The following KLF13 variants were observed in gnomAD, a reference collection of about 807,000 sequenced individuals.
KLF13 encodes the protein Krueppel-like factor 13.
A neutral mutation model predicts 16.7 loss-of-function variants in KLF13; 8 were observed. The observed-to-expected ratio is 0.48, with a 90% CI of 0.28 to 0.87. The LOEUF is 0.87. KLF13 is among the 40% of genes least tolerant of loss of function. KLF13 has a pLI of 0.10. For synonymous variants in KLF13, 245 were observed against 208.4 expected (o/e 1.18, Z -1.51); for missense variants, 447 against 452.2 (o/e 0.99, Z 0.10).
chr15:31,334,647 C>G (rs1038029991), intron 1 of KLF13, among the ~76,000 whole-genome samples: 9 of 152,124 alleles, frequency 5.9e-5, no homozygotes, highest in Admixed American at 4.6e-4. Context: ...AGGCTGGTTT[C>G]GAACTCCTGA....
intron 1 of KLF13, among the ~76,000 whole-genome samples, chr15:31,409,937 C>T (rs1229910808): frequency 6.6e-6 from 1 of 151,964 alleles, no homozygotes; most frequent in Non-Finnish European, 1.5e-5. Flanking sequence ...TACAGAAAAA[C>T]ATAAAGCATT....
chr15:31,393,262 A>T (rs968456866), intron 1 of KLF13: 1 of 152,460 alleles, frequency 6.6e-6, no homozygotes, highest in Non-Finnish European at 1.5e-5. Context: ...TTCAGTAAGC[A>T]GCCGCCGGGC....
chr15:31,369,213 C>T (rs1160046584), intron 1 of KLF13, among the ~76,000 whole-genome samples: 1 of 152,130 alleles, frequency 6.6e-6, no homozygotes, highest in Admixed American at 6.5e-5. Context: ...CCCTTAAATC[C>T]ATGTTCTCTG....
intron 1 of KLF13, among the ~76,000 whole-genome samples, chr15:31,340,789 A>G (rs2039008695): frequency 6.6e-6 from 1 of 152,174 alleles, no homozygotes; most frequent in African/African-American, 2.4e-5. Context: ...GGATCACTTG[A>G]GCCCAGGAGG....
At chr15:31,329,568 C>A (rs531574216) in intron 1 of KLF13, among the ~76,000 whole-genome samples, 2 of 152,140 alleles carry the variant, frequency 1.3e-5, no homozygotes, top group Non-Finnish European at 2.9e-5. Context: ...CTGGTGGGTT[C>A]ATCTCCCGCT....
chr15:31,346,774 G>C (rs1013217499), intron 1 of KLF13, among the ~76,000 whole-genome samples: 9 of 152,262 alleles, frequency 5.9e-5, no homozygotes, highest in Non-Finnish European at 7.3e-5. Context: ...GGCACTTGGT[G>C]GTGGGGCCAG....
chr15:31,332,487 T>G (rs1213513100), intron 1 of KLF13, among the ~76,000 whole-genome samples: 1 of 152,150 alleles, frequency 6.6e-6, no homozygotes, highest in African/African-American at 2.4e-5. Flanking sequence ...TGGGGGCTGG[T>G]GTGGCGCCAT....
chr15:31,335,429 G>A (rs1245963074), intron 1 of KLF13, among the ~76,000 whole-genome samples: 15 of 49,956 alleles, frequency 3.0e-4, no homozygotes, highest in African/African-American at 6.0e-4. Flanking sequence ...CATTGTGTGT[G>A]TGTGTATGTG....
chr15:31,384,108 A>G (rs769902479), intron 1 of KLF13, among the ~76,000 whole-genome samples: 9 of 152,062 alleles, frequency 5.9e-5, no homozygotes, highest in Non-Finnish European at 1.2e-4. Context: ...ACTTTTCTCT[A>G]TAGCTATATT....
rs757825802 is a variant in KLF13, at chr15:31,347,471, CAG to C, written c.577+19683_577+19684del. ...GTGTGCTAGCGTCAAAGGGCACCCT[CAG>C]GGGGCTGGGCTGGGGAGGGGCCCCA... On this transcript the variant is annotated intron_variant, in intron 1 of 1. Coordinates refer to ENST00000307145, the MANE Select transcript of KLF13 (RefSeq NM_015995.4). Among the ~76,000 whole-genome samples the C allele has an allele frequency of 1.6e-4, 24 of 152,304 alleles. 1 individual carries two copies. In the South Asian group the frequency reaches 3.3e-3, roughly 21 times the overall value.
chr15:31,357,815 C>T (rs2039323814), intron 1 of KLF13, among the ~76,000 whole-genome samples: 1 of 152,214 alleles, frequency 6.6e-6, no homozygotes, highest in Non-Finnish European at 1.5e-5. Context: ...ACTGCACCCC[C>T]ACCCCCGCCA....
intron 1 of KLF13, chr15:31,420,095 C>T (rs760852574): frequency 3.7e-4 from 143 of 382,008 alleles, no homozygotes; most frequent in Middle Eastern, 8.6e-4. Flanking sequence ...ACCAACAAAA[C>T]TGTTCTTCAA....
At chr15:31,407,405 A>G (rs1199709491), downstream of KLF13, among the ~76,000 whole-genome samples, 2 of 152,354 alleles carry the variant, frequency 1.3e-5, no homozygotes, top group South Asian at 4.1e-4. Context: ...GGCACAGGTC[A>G]TGGGCAGAGA....
intron 1 of KLF13, among the ~76,000 whole-genome samples, chr15:31,420,855 G>A (rs2040314130): frequency 6.6e-6 from 1 of 152,018 alleles, no homozygotes; most frequent in Admixed American, 6.6e-5. Context: ...ACCATGCCCG[G>A]CTAATTTTGA....
At chr15:31,330,004 C>T (rs2038798903) in intron 1 of KLF13, among the ~76,000 whole-genome samples, 1 of 152,182 alleles carries the variant, frequency 6.6e-6, no homozygotes, top group South Asian at 2.1e-4. Flanking sequence ...CAGAAACCTG[C>T]CTCTGGAGGG....
Position 31,374,738 on chromosome 15 carries a change from GT to G in KLF13, c.*2440del, listed in dbSNP as rs930471599. The G allele has an allele frequency of 1.3e-5, 2 of 152,272 alleles. No individual in the cohort carries two copies. The highest frequency in any genetic ancestry group is 4.8e-5 in the African/African-American group (2 of 41,322). 9.4% of individuals were successfully genotyped at this position (152,272 alleles called of 1,614,324 possible). On this transcript the variant is annotated 3_prime_UTR_variant, in exon 2 of 2. Coordinates refer to ENST00000307145, the MANE Select transcript of KLF13 (RefSeq NM_015995.4). ...GACGTCCTTGTGATCTGCCCAGGGT[GT>G]CACGGAAGGAGATTTTCTAGCTCCA...
chr15:31,327,904 G>C, intron 1 of KLF13, 115 bp downstream of exon 1: 2 of 1,118,334 alleles, frequency 1.8e-6, no homozygotes, highest in South Asian at 8.6e-5. Flanking sequence ...GGGCCGGAAC[G>C]CCCGGGGCCT....
At chr15:31,388,449 A>C (rs899736449), upstream of KLF13, among the ~76,000 whole-genome samples, 2 of 151,976 alleles carry the variant, frequency 1.3e-5, no homozygotes, top group African/African-American at 4.8e-5. Flanking sequence ...CTGTCTCTCC[A>C]TGTAAAAATA....
chr15:31,401,159 C>T (rs2040031281), intron 2 of KLF13, among the ~76,000 whole-genome samples: 1 of 152,148 alleles, frequency 6.6e-6, no homozygotes, highest in Non-Finnish European at 1.5e-5. Context: ...CGCCACCACG[C>T]CCAGCTAACT....
Sources: allele counts gnomAD v4.1 joint callset (sites outside exome capture counted in the v4.1 genomes callset), GRCh38; gene constraint gnomAD v4.1.1; transcripts MANE v1.5; gene names NCBI Gene and HGNC (gene_info 2026-07-23, HGNC 2026-07-21).